Variants in EVC2 observed in about 807,000 individuals in gnomAD.
The protein encoded by EVC2 is EvC ciliary complex subunit 2.
In EVC2, 148 loss-of-function variants were observed where a neutral mutation model predicts 149.3. The ratio of observed to expected loss-of-function variants is 0.99; its 90% CI spans 0.87 to 1.14. The LOEUF is 1.14. Ranked by LOEUF, EVC2 falls within the 50% of genes most tolerant of loss-of-function variation. The pLI is 0.00. For synonymous variants in EVC2, 776 were observed against 649.9 expected, an observed-to-expected ratio of 1.19 and a Z score of -2.95; for missense variants, 1,854 against 1,627.3, an observed-to-expected ratio of 1.14 and a Z score of -2.40.
At chr4:5,652,087 G>A (rs755796195) in intron 9 of EVC2, among the ~76,000 whole-genome samples, 33 of 152,330 alleles carry the variant, frequency 2.2e-4, no homozygotes, top group African/African-American at 6.3e-4. Flanking sequence ...TGACCCAACC[G>A]AGTTCACTGA....
chr4:5,705,515 G>T (rs1170970589), intron 1 of EVC2, among the ~76,000 whole-genome samples: 1 of 151,590 alleles, frequency 6.6e-6, no homozygotes, highest in Non-Finnish European at 1.5e-5. Flanking sequence ...GAATAACAAT[G>T]CCATTGCATA....
chr4:5,539,842 C>T (rs1292566493), downstream of EVC2, among the ~76,000 whole-genome samples: 1 of 148,960 alleles, frequency 6.7e-6, no homozygotes, highest in Non-Finnish European at 1.5e-5. Context: ...TTCTTAGACA[C>T]CAAAGCAAAA....
At chr4:5,564,849 C>A (rs951870506) in intron 21 of EVC2, among the ~76,000 whole-genome samples, 1 of 152,194 alleles carries the variant, frequency 6.6e-6, no homozygotes, top group African/African-American at 2.4e-5. Flanking sequence ...AATCTCATGA[C>A]CACTGTTTAC....
At chr4:5,699,636 T>C (rs1433319061) in intron 1 of EVC2, among the ~76,000 whole-genome samples, 1 of 114,026 alleles carries the variant, frequency 8.8e-6, no homozygotes, top group African/African-American at 3.6e-5. Context: ...GGAGACTCCA[T>C]CTCTACAAAA....
chr4:5,635,116 A>T (rs1716808979), intron 10 of EVC2, among the ~76,000 whole-genome samples: 1 of 133,914 alleles, frequency 7.5e-6, no homozygotes, highest in South Asian at 2.3e-4. Context: ...GGTTCACTGC[A>T]AACTCCGCCC....
rs1205492634 is a variant in EVC2, at chr4:5,636,229, TC to T, written c.1471-4198del. On this transcript the variant is annotated intron_variant, in intron 10 of 21. Coordinates refer to ENST00000344408, the MANE Select transcript of EVC2 (RefSeq NM_147127.5). The surrounding 1 kb of genome is among the most constrained non-coding windows in gnomAD (Gnocchi z 4.6). Reference sequence around the variant, plus strand: ...CAGCAACCTGCCTTCTGTGCCTATATCCCCCAATACTCTCCCCAAGGTTTCT... The same window carrying T: ...CAGCAACCTGCCTTCTGTGCCTATATCCCCAATACTCTCCCCAAGGTTTCT... 6.6e-6 allele frequency among the ~76,000 whole-genome samples: 1 copy of T among 152,044 alleles called. No homozygotes were observed. The highest frequency in any genetic ancestry group is 2.4e-5 in the African/African-American group (1 of 41,376).
Position 5,631,800 on chromosome 4 carries a change from T to G in EVC2, c.1703A>C (p.Lys568Thr). 1.2e-6 allele frequency: 2 copies of G among 1,613,982 alleles called. No individual in the cohort carries two copies. The highest frequency in any genetic ancestry group is 2.2e-5 in the South Asian group (2 of 91,068). The stretch of plus-strand genomic sequence containing the variant: ...GCGAGGCTGATGTATTACCTGTATT[T>G]TAGAATAATTTTGCAGCAGCATTTT... ...AAKMLLQNYSKIQENVEELMD... is the reference protein window; with the variant it reads ...AAKMLLQNYSTIQENVEELMD... Residue 568 changes from lysine (K) to threonine (T), a missense_variant, in exon 11 of 22, where the codon AAA (lysine) becomes ACA (threonine). Coordinates refer to ENST00000344408, the MANE Select transcript of EVC2 (RefSeq NM_147127.5).
rs1380424324 is a variant in EVC2, at chr4:5,670,755, C to G, written c.871-5106G>C. ...TCACCATCACCATCAACGCCATCAT[C>G]AGCAGCATCGCCATCAAATTCATTA... On this transcript the variant is annotated intron_variant, in intron 7 of 21. Coordinates refer to ENST00000344408, the MANE Select transcript of EVC2 (RefSeq NM_147127.5). The surrounding 1 kb of genome is among the most constrained non-coding windows in gnomAD (Gnocchi z 5.2). 2.0e-5 allele frequency among the ~76,000 whole-genome samples: 3 copies of G among 147,574 alleles called. No homozygotes were observed. Among genetic ancestry groups the G allele is most frequent in the African/African-American group, 8.1e-5 (3 of 37,166 alleles).
intron 21 of EVC2, among the ~76,000 whole-genome samples, chr4:5,555,641 C>G (rs564910064): frequency 6.6e-6 from 1 of 152,242 alleles, no homozygotes; most frequent in East Asian, 1.9e-4. Context: ...AAAATATACA[C>G]AATATTTTTT....
chr4:5,690,288 G>A (rs1439017823), intron 4 of EVC2, among the ~76,000 whole-genome samples: 2 of 152,210 alleles, frequency 1.3e-5, no homozygotes, highest in Non-Finnish European at 1.5e-5. Flanking sequence ...TAACTCAGCA[G>A]GCCTGGGCTG....
At chr4:5,529,921 T>A in the EVC2 span, among the ~76,000 whole-genome samples, 4 of 151,712 alleles carry the variant, frequency 2.6e-5, no homozygotes, top group Admixed American at 2.0e-4. The surrounding 1 kb of genome is among the most constrained non-coding windows in gnomAD (Gnocchi z 4.5). Context: ...GTGCAAGCGA[T>A]TCTCCTGCCT....
chr4:5,589,665 A>AT (rs112204720), intron 16 of EVC2, among the ~76,000 whole-genome samples: 20,624 of 151,854 alleles, frequency 0.14, 3,003 homozygotes, highest in African/African-American at 0.37. Context: ...GAATTCCTTT[A>AT]TTTTTTATTT....
chr4:5,599,739 G>A (rs1713815672), intron 16 of EVC2, among the ~76,000 whole-genome samples: 1 of 152,014 alleles, frequency 6.6e-6, no homozygotes. Context: ...AATAAAAGAA[G>A]ATTCCCATTC....
chr4:5,561,817 G>T (rs1343489882), downstream of EVC2, among the ~76,000 whole-genome samples: 1 of 152,176 alleles, frequency 6.6e-6, no homozygotes, highest in African/African-American at 2.4e-5. Context: ...GGTTAAAGTT[G>T]TTGGAAGGGT....
In EVC2 at chr4:5,565,302, G is replaced by A; in HGVS notation, c.3615C>T (p.Ser1205=). ...LDGKLRGDLI[S]RGLEKMLWAR... ...CCCACAGCATCTTTTCTAATCCTCT[G>A]CTTATCAGATCTCCTCGCAGTTTGC... Residue 1205 remains serine, a synonymous_variant, in exon 21 of 22, where the codon AGC becomes AGT. Coordinates refer to ENST00000344408, the MANE Select transcript of EVC2 (RefSeq NM_147127.5). 6.2e-7 allele frequency: 1 copy of A among 1,614,040 alleles called. No homozygotes were observed.
exon 23 of EVC2, chr4:5,542,785 G>C: frequency 9.6e-6 from 2 of 207,894 alleles, no homozygotes; most frequent in Non-Finnish European, 2.0e-5. Context: ...CAGTTGTCAG[G>C]ATTGGCTCCT....
chr4:5,625,719 AAAG>A lies in EVC2; in HGVS notation c.2046+27_2046+29del, dbSNP rs1232987983. The A allele has an allele frequency of 6.2e-7, 1 of 1,613,946 alleles. No individual in the cohort carries two copies. The highest frequency in any genetic ancestry group is 8.5e-7 in the Non-Finnish European group (1 of 1,180,018). ...GATGGGTATCAGAAAGTGCCTATGC[AAAG>A]AATAAATAGCATCATGCCTTATATA... is the stretch of plus-strand genomic sequence containing the variant. On this transcript the variant is annotated intron_variant, in intron 13 of 21. Transcript: ENST00000344408. This position sits in a 1 kb window ranked among gnomAD's most constrained non-coding sequence, Gnocchi z 4.0.
Position 5,688,470 on chromosome 4 carries a change from G to A in EVC2, c.706+687C>T, listed in dbSNP as rs148035363. On this transcript the variant is annotated intron_variant, in intron 5 of 21. Coordinates refer to ENST00000344408, the MANE Select transcript of EVC2 (RefSeq NM_147127.5). Reference sequence around the variant, plus strand: ...TCCCAGTCTCTTCATCTGTAAATGAGGTCCTACTAAGAATAAAAGATGTCT... The same window carrying A: ...TCCCAGTCTCTTCATCTGTAAATGAAGTCCTACTAAGAATAAAAGATGTCT... 7.6e-4 allele frequency among the ~76,000 whole-genome samples: 116 copies of A among 152,252 alleles called. 1 individual carries two copies. The East Asian group carries it at 0.021, about 27-fold the overall frequency.
the EVC2 span, among the ~76,000 whole-genome samples, chr4:5,532,163 A>T: frequency 6.6e-6 from 1 of 152,024 alleles, no homozygotes; most frequent in African/African-American, 2.4e-5. Flanking sequence ...GAAGTCCAAA[A>T]TTTGCAGGGC....
Sources: allele counts gnomAD v4.1 joint callset (sites outside exome capture counted in the v4.1 genomes callset), GRCh38; gene constraint gnomAD v4.1.1; non-coding constraint Gnocchi (gnomAD v3.1); transcripts MANE v1.5; gene names NCBI Gene and HGNC (gene_info 2026-07-23, HGNC 2026-07-21).